ACTN3: variants seen among roughly 807,000 people sequenced by gnomAD.
ACTN3 encodes alpha-actinin-3.
Under a neutral mutation model 119.6 loss-of-function variants are expected in ACTN3, and 91 were observed. That is an observed-to-expected ratio of 0.76 (90% CI 0.64 to 0.91). The LOEUF is 0.91. Among genes scored for constraint, ACTN3 ranks in the 40% least tolerant of loss-of-function variants. The probability of loss-of-function intolerance (pLI) is 0.00; values close to 1 mark genes in which losing one functional copy is unlikely to be tolerated. For missense variants in ACTN3, 1,221 were observed against 1,215.1 expected (o/e 1.00, Z -0.07); for synonymous variants, 456 against 478.8 (o/e 0.95, Z 0.62).
At chr11:66,551,439 G>C (rs569308943) in intron 2 of ACTN3, 86 bp downstream of exon 2, 19 of 1,566,208 alleles carry the variant, frequency 1.2e-5, no homozygotes, top group South Asian at 1.2e-5. Context: ...AGTGTTGGAC[G>C]GGACTTGGTG....
At chr11:66,559,426 G>GCCCCGC (rs1857689296) in intron 12 of ACTN3, 40 bp downstream of exon 12, 3 of 1,418,252 alleles carry the variant, frequency 2.1e-6, no homozygotes, top group African/African-American at 1.5e-5. Flanking sequence ...AACACCCCCG[G>GCCCCGC]CCCCGCCCCC....
At chr11:66,556,353 TCA>T (rs1565306146) in intron 8 of ACTN3, 123 bp downstream of exon 8, 6 of 883,134 alleles carry the variant, frequency 6.8e-6, no homozygotes, top group African/African-American at 5.0e-5. Flanking sequence ...CTGCACACAC[TCA>T]GTCTTCAGCA....
At chr11:66,559,530 G>A (rs962051775) in intron 12 of ACTN3, 144 bp downstream of exon 12, 11 of 813,970 alleles carry the variant, frequency 1.4e-5, no homozygotes, top group Non-Finnish European at 1.8e-5. Flanking sequence ...GGTCCCATTC[G>A]CTCCGCCCCT....
chr11:66,560,628 A>G lies in ACTN3; in HGVS notation c.1733A>G (p.Glu578Gly). 1 of 1,613,814 alleles carries G rather than the reference A, an allele frequency of 6.2e-7. No homozygotes were observed. The part of the protein sequence containing the change: ...FKATLPEADR[E>G]RGAIMGIQGE... Reference sequence around the variant, plus strand: ...GCAACACTGCCCGAGGCTGACCGAGAGCGAGGTGCCATCATGGGCATCCAG... The same window carrying G: ...GCAACACTGCCCGAGGCTGACCGAGGGCGAGGTGCCATCATGGGCATCCAG... Residue 578 changes from glutamate (E) to glycine (G), a missense_variant, in exon 15 of 21, where the codon GAG (glutamate) becomes GGG (glycine). Coordinates refer to ENST00000513398, the MANE Select transcript of ACTN3 (RefSeq NM_001104.4).
In ACTN3 at chr11:66,558,063, G is replaced by A. The variant is rs1857640285; in HGVS notation, c.1165G>A (p.Glu389Lys). The change falls in exon 11 of 21, where the codon GAA (glutamate) becomes AAA (lysine). Residue 389 changes from glutamate (E) to lysine (K), a missense_variant. Glu to Lys is a moderately conservative substitution (Grantham distance 56). Coordinates refer to ENST00000513398, the MANE Select transcript of ACTN3 (RefSeq NM_001104.4). ...CGCCTGGCGGGGGCTGGAGCAGGTG[G>A]AAAAGGGCTATGAGGACTGGCTGCT... ...ANAWRGLEQV[E>K]KGYEDWLLSE... 1 of 1,613,908 alleles carries A rather than the reference G, an allele frequency of 6.2e-7. No individual in the cohort carries two copies. Among genetic ancestry groups the A allele is most frequent in the East Asian group, 2.2e-5 (1 of 44,880 alleles).
At chr11:66,546,639 ACAGACT>A (rs1857347127), upstream of ACTN3, 2 of 1,534,078 alleles carry the variant, frequency 1.3e-6, no homozygotes, top group African/African-American at 1.4e-5. Context: ...AGAGGAGTAA[ACAGACT>A]CAGAGAGGTC....
intron 17 of ACTN3, 94 bp downstream of exon 17, chr11:66,561,731 G>C: frequency 7.0e-7 from 1 of 1,430,416 alleles, no homozygotes. Context: ...TGTCCCAGCA[G>C]AGTCCCCAGT....
intron 9 of ACTN3, 39 bp downstream of exon 9, chr11:66,557,264 C>A (rs1294924778): frequency 1.9e-5 from 29 of 1,537,340 alleles, no homozygotes; most frequent in Non-Finnish European, 2.5e-5. Flanking sequence ...CCACCCCAGC[C>A]CTACTGGCTC....
intron 3 of ACTN3, 132 bp from the exon 4 acceptor site, chr11:66,553,913 T>A: frequency 1.8e-6 from 1 of 543,942 alleles, no homozygotes; most frequent in Non-Finnish European, 3.3e-6. Context: ...TGCTAGGTGC[T>A]CACCTACTAG....
chr11:66,560,099 TG>T lies in ACTN3; in HGVS notation c.1536+29del. The stretch of plus-strand genomic sequence containing the variant: ...GAGGTGGGGCTGGGGGCCGGGGAGC[TG>T]GGGGGTGGGTAGGTGGGTGAGGCCA... On this transcript the variant is annotated intron_variant, in intron 13 of 20. Coordinates refer to ENST00000513398, the MANE Select transcript of ACTN3 (RefSeq NM_001104.4). 4.7e-5 allele frequency: 13 copies of T among 277,506 alleles called. No individual in the cohort carries two copies. The South Asian group carries it at 4.8e-4, about 10-fold the overall frequency. 17.2% of individuals were successfully genotyped at this position (277,506 alleles called of 1,614,324 possible).
At position 66,562,872 on chromosome 11, in the gene ACTN3, T is replaced by C; in HGVS notation, c.2465T>C (p.Ile822Thr). Residue 822 changes from isoleucine (I) to threonine (T), a missense_variant, in exon 20 of 21, where the codon ATA becomes ACA. Ile to Thr is a moderately conservative substitution (Grantham distance 89). This residue lies in a region of ACTN3 where 934 missense variants were observed against 899.9 expected (regional missense o/e 1.04). Coordinates refer to ENST00000513398, the MANE Select transcript of ACTN3 (RefSeq NM_001104.4). Reference protein sequence around the residue: ...AAGVVTFQAFIDFMTRETAET... With the variant: ...AAGVVTFQAFTDFMTRETAET... Reference sequence around the variant, plus strand: ...GGGGTGGTGACCTTCCAGGCCTTCATAGACTTCATGACCCGAGAGACAGCC... The same window carrying C: ...GGGGTGGTGACCTTCCAGGCCTTCACAGACTTCATGACCCGAGAGACAGCC... The C allele has an allele frequency of 6.2e-7, 1 of 1,613,762 alleles. No homozygotes were observed. The highest frequency in any genetic ancestry group is 1.1e-5 in the South Asian group (1 of 91,074).
chr11:66,551,028 A>G, intron 1 of ACTN3: 1 of 667,948 alleles, frequency 1.5e-6, no homozygotes. Flanking sequence ...TGCATGGGTC[A>G]CAGACCCCAT....
intron 4 of ACTN3, among the ~76,000 whole-genome samples, chr11:66,554,335 A>T (rs1030504231): frequency 1.3e-5 from 2 of 149,488 alleles, no homozygotes; most frequent in Non-Finnish European, 3.0e-5. Context: ...GCATGTGCCT[A>T]TAGTCCCAGA....
In ACTN3 at chr11:66,549,761, A is replaced by T. The variant is rs537208851; in HGVS notation, c.148-1478A>T. ...AAAAAAAAAAAAAAAAAAAAGAGTCATGTTTGGCACCACCCAGACCTGCCT... is the reference window on the plus strand; with the variant it reads ...AAAAAAAAAAAAAAAAAAAAGAGTCTTGTTTGGCACCACCCAGACCTGCCT... On this transcript the variant is annotated intron_variant, in intron 1 of 20. Transcript: ENST00000513398. Among the ~76,000 whole-genome samples the T allele has an allele frequency of 2.2e-5, 3 of 136,348 alleles. No individual in the cohort carries two copies. In the East Asian group the frequency reaches 6.3e-4, roughly 28 times the overall value. The allele number at this position is 136,348 out of a possible 152,430, so 89.4% of individuals were successfully genotyped here.
In ACTN3 at chr11:66,563,134, G is replaced by A. The variant is rs748658589; in HGVS notation, c.2647G>A (p.Ala883Thr). 3.1e-6 allele frequency: 5 copies of A among 1,613,354 alleles called. No individual in the cohort carries two copies. The highest frequency in any genetic ancestry group is 2.2e-5 in the East Asian group (1 of 44,872). The change falls in exon 21 of 21, where the codon GCT (alanine) becomes ACT (threonine). Residue 883 changes from alanine (A) to threonine (T), a missense_variant. Coordinates refer to ENST00000513398, the MANE Select transcript of ACTN3 (RefSeq NM_001104.4). Reference protein sequence around the residue: ...MVPYKGSGAPAGALDYVAFSS... With the variant: ...MVPYKGSGAPTGALDYVAFSS... ...GCCCTACAAGGGATCCGGGGCCCCGGCTGGAGCCCTGGACTACGTGGCCTT... is the reference window on the plus strand; with the variant it reads ...GCCCTACAAGGGATCCGGGGCCCCGACTGGAGCCCTGGACTACGTGGCCTT...
chr11:66,552,306 G>T (rs112146418), intron 3 of ACTN3, among the ~76,000 whole-genome samples: 2 of 151,702 alleles, frequency 1.3e-5, no homozygotes, highest in African/African-American at 4.8e-5. Flanking sequence ...GGAGGCCGAG[G>T]TTGCAGTGAG....
intron 11 of ACTN3, among the ~76,000 whole-genome samples, chr11:66,558,637 G>T (rs1333890047): frequency 6.6e-6 from 1 of 152,040 alleles, no homozygotes; most frequent in Non-Finnish European, 1.5e-5. Context: ...CAAAGTGCTG[G>T]GATTACAGGA....
chr11:66,562,426 C>G (rs1019458164), intron 19 of ACTN3, 104 bp downstream of exon 19: 48 of 1,286,406 alleles, frequency 3.7e-5, no homozygotes, highest in Non-Finnish European at 5.2e-5. Flanking sequence ...TCCCCTGCAT[C>G]TTCACTACAT....
At chr11:66,547,111 C>G in intron 1 of ACTN3, 27 bp downstream of exon 1, 1 of 1,481,902 alleles carries the variant, frequency 6.7e-7, no homozygotes, top group Non-Finnish European at 8.9e-7. Context: ...TTCCTGACAG[C>G]AAAACCGAGG....
Sources: gnomAD v4.1 joint callset for allele counts (sites outside exome capture counted in the v4.1 genomes callset) on GRCh38, gnomAD v4.1.1 for gene constraint, gnomAD v4.1.1 regional missense constraint, MANE v1.5 for transcripts, NCBI Gene and HGNC (gene_info 2026-07-23, HGNC 2026-07-21) for gene names.